Variants in DIDO1 observed in about 807,000 individuals in gnomAD.
DIDO1 encodes death-inducer obliterator 1.
A neutral mutation model predicts 99.4 loss-of-function variants in DIDO1; 16 were observed. The ratio of observed to expected loss-of-function variants is 0.16; its 90% CI spans 0.11 to 0.24. The LOEUF is 0.24. Ranked by LOEUF, DIDO1 falls within the 10% of genes least tolerant of loss-of-function variation. The pLI is 1.00. For synonymous variants in DIDO1, 1,366 were observed against 1,239.1 expected (o/e 1.10, Z -2.15); for missense variants, 2,996 against 3,014.0 (o/e 0.99, Z 0.14).
At chr20:62,901,211 G>A (rs572068154) in intron 6 of DIDO1, among the ~76,000 whole-genome samples, 1 of 152,348 alleles carries the variant, frequency 6.6e-6, no homozygotes, top group Admixed American at 6.5e-5. Flanking sequence ...CAGCCAGGAC[G>A]CCCTTGCAGG....
chr20:62,922,100 C>G (rs1286085736), intron 1 of DIDO1, among the ~76,000 whole-genome samples: 1 of 69,544 alleles, frequency 1.4e-5, no homozygotes, highest in African/African-American at 5.8e-5. Flanking sequence ...TATATACACA[C>G]TATATATATA....
intron 6 of DIDO1, chr20:62,905,512 T>C: frequency 6.4e-7 from 1 of 1,550,864 alleles, no homozygotes; most frequent in Non-Finnish European, 8.7e-7. Context: ...TCAGAACAAC[T>C]CATGTGCAGA....
intron 6 of DIDO1, chr20:62,905,578 G>A: frequency 6.4e-7 from 1 of 1,551,156 alleles, no homozygotes; most frequent in Non-Finnish European, 8.7e-7. Flanking sequence ...CTGGGATGAA[G>A]AGAATACGAA....
At chr20:62,904,962 T>C (rs1217488033) in intron 6 of DIDO1, 1 of 983,742 alleles carries the variant, frequency 1.0e-6, no homozygotes, top group Non-Finnish European at 1.2e-6. Flanking sequence ...CGGTGCTTTT[T>C]AAAAAAAGCA....
chr20:62,881,808 C>T lies in DIDO1; in HGVS notation c.4148G>A (p.Arg1383Lys). ...GTACTCCTCCTCAGGGTCGTATGGC[C>T]TGTCGTCCTCCTCTTCCTCTAGAGC... Reference protein sequence around the residue: ...DKALEEEEDDRPYDPEEEYDP... With the variant: ...DKALEEEEDDKPYDPEEEYDP... Residue 1383 changes from arginine (R) to lysine (K), a missense_variant, in exon 16 of 16, where the codon AGG becomes AAG. This residue lies in a region of DIDO1 where 1,562 missense variants were observed against 1,412.6 expected (regional missense o/e 1.11). Coordinates refer to ENST00000395343, the MANE Select transcript of DIDO1 (RefSeq NM_001193369.2). The surrounding 1 kb of genome is among the most constrained non-coding windows in gnomAD (Gnocchi z 8.3). 1 of 1,613,536 alleles carries T rather than the reference C, an allele frequency of 6.2e-7. No homozygotes were observed. Among genetic ancestry groups the T allele is most frequent in the Non-Finnish European group, 8.5e-7 (1 of 1,180,024 alleles).
At position 62,910,923 on chromosome 20, in the gene DIDO1, C is replaced by G; in HGVS notation, c.690G>C (p.Gly230=). 1 of 1,614,162 alleles carries G rather than the reference C, an allele frequency of 6.2e-7. No homozygotes were observed. The highest frequency in any genetic ancestry group is 1.1e-5 in the South Asian group (1 of 91,074). The change falls in exon 3 of 16, where the codon GGG becomes GGC. Residue 230 remains glycine, a synonymous_variant. Coordinates refer to ENST00000395343, the MANE Select transcript of DIDO1 (RefSeq NM_001193369.2). ...ENDQGVVSQA[G]KDDRESKLEG... is the part of the protein sequence containing the mutation. ...CCAACTTACTCTCTCTGTCATCTTT[C>G]CCAGCCTGGGACACAACCCCCTGAT...
rs1487504993 is a variant in DIDO1, at chr20:62,881,287, G to C, written c.4669C>G (p.His1557Asp). The C allele has an allele frequency of 6.2e-7, 1 of 1,605,086 alleles. No individual in the cohort carries two copies. Among genetic ancestry groups the C allele is most frequent in the Non-Finnish European group, 8.5e-7 (1 of 1,179,728 alleles). Residue 1557 changes from histidine (H) to aspartate (D), a missense_variant, in exon 16 of 16, where the codon CAC becomes GAC. His to Asp is a moderately conservative substitution (Grantham distance 81). Around this residue, in one of 5 missense-constraint regions of DIDO1, gnomAD observed 1,562 missense variants for 1,412.6 expected, o/e 1.11. Coordinates refer to ENST00000395343, the MANE Select transcript of DIDO1 (RefSeq NM_001193369.2). The surrounding 1 kb of genome is among the most constrained non-coding windows in gnomAD (Gnocchi z 8.3). ...CGCCTCGCCTGCCGGGGGTCCCTGT[G>C]GTTTGACGCCTGGCTGGCGGGGGGC... ...SLPPASQASN[H>D]RDPRQARRLA...
chr20:62,922,519 T>C (rs2065175266), intron 1 of DIDO1, among the ~76,000 whole-genome samples: 1 of 151,832 alleles, frequency 6.6e-6, no homozygotes, highest in African/African-American at 2.4e-5. Flanking sequence ...GGGGGTACAG[T>C]GTACCAGGCA....
At chr20:62,900,980 GT>G (rs2064660396) in intron 6 of DIDO1, among the ~76,000 whole-genome samples, 2 of 152,210 alleles carry the variant, frequency 1.3e-5, no homozygotes, top group South Asian at 4.1e-4. Flanking sequence ...TGCTTTACCT[GT>G]TTCTTCACTC....
rs1600965593 is a variant in DIDO1 at position 62,901,157 on chromosome 20, AGG to A, written c.1589-4163_1589-4162del. On this transcript the variant is annotated intron_variant, in intron 6 of 15. Transcript: ENST00000395343. ...GAAACAGTTACTTCCCAAATACAGC[AGG>A]CAGACTACATCGCAGACGCTCCTCA... 2.6e-5 allele frequency among the ~76,000 whole-genome samples: 4 copies of A among 152,348 alleles called. No homozygotes were observed. In the East Asian group the frequency reaches 7.7e-4, roughly 29 times the overall value.
At chr20:62,883,729 G>A (rs1375900456) in intron 15 of DIDO1, among the ~76,000 whole-genome samples, 2 of 152,222 alleles carry the variant, frequency 1.3e-5, no homozygotes, top group Non-Finnish European at 2.9e-5. Flanking sequence ...GGAGGCTGAG[G>A]CAGGAGAAAT....
At position 62,896,732 on chromosome 20, in the gene DIDO1, G is replaced by A. The variant is rs769041978; in HGVS notation, c.1853C>T (p.Pro618Leu). ...CTTGGAGGCAGCCGTTGCCGCTGCA[G>A]GTGCCGGTCCGGCCTGCCTGGCAGC... ...ASAARQAGPA[P>L]AAATAASKKF... The change falls in exon 7 of 16, where the codon CCT (proline) becomes CTT (leucine). Residue 618 changes from proline (P) to leucine (L), a missense_variant. Physicochemically the swap from Pro to Leu is moderately conservative, Grantham distance 98. Transcript: ENST00000395343. This position sits in a 1 kb window ranked among gnomAD's most constrained non-coding sequence, Gnocchi z 4.4. 1 of 1,613,774 alleles carries A rather than the reference G, an allele frequency of 6.2e-7. No homozygotes were observed. The highest frequency in any genetic ancestry group is 1.1e-5 in the South Asian group (1 of 91,086).
intron 15 of DIDO1, chr20:62,889,210 C>G: frequency 1.0e-6 from 1 of 985,564 alleles, no homozygotes; most frequent in Non-Finnish European, 1.2e-6. Context: ...GCTGGGAGAC[C>G]TGTCCTTTCC....
upstream of DIDO1, among the ~76,000 whole-genome samples, chr20:62,929,693 G>GTATATA (rs565069048): frequency 0.01 from 988 of 97,872 alleles, 142 homozygotes; most frequent in East Asian, 0.021. Context: ...AAAAGAAAAA[G>GTATATA]TGTATATATA....
rs757810760 is a variant in DIDO1 at position 62,881,150 on chromosome 20, G to A, written c.4806C>T (p.Gly1602=). The change falls in exon 16 of 16, where the codon GGC becomes GGT. Residue 1602 remains glycine (G), a synonymous_variant. Coordinates refer to ENST00000395343, the MANE Select transcript of DIDO1 (RefSeq NM_001193369.2). The surrounding 1 kb of genome is among the most constrained non-coding windows in gnomAD (Gnocchi z 8.3). ...CCTCCGGGACTGGCATGGGCGCCTGGCCCACGAGGCCACCCCTGGAAGCAT... is the reference window on the plus strand; with the variant it reads ...CCTCCGGGACTGGCATGGGCGCCTGACCCACGAGGCCACCCCTGGAAGCAT... ...ERDASRGGLV[G]QAPMPVPEEK... is the part of the protein sequence containing the mutation. The A allele has an allele frequency of 1.8e-5, 29 of 1,608,156 alleles. 1 individual carries two copies. The highest frequency in any genetic ancestry group is 1.0e-4 in the Admixed American group (6 of 59,848).
chr20:62,896,627 G>A lies in DIDO1; in HGVS notation c.1958C>T (p.Pro653Leu). 1 of 1,613,968 alleles carries A rather than the reference G, an allele frequency of 6.2e-7. No individual in the cohort carries two copies. The highest frequency in any genetic ancestry group is 8.5e-7 in the Non-Finnish European group (1 of 1,179,842). The change falls in exon 7 of 16, where the codon CCA (proline) becomes CTA (leucine). Residue 653 changes from proline (P) to leucine (L), a missense_variant. By Grantham distance (98) the Pro-to-Leu change is moderately conservative. Transcript: ENST00000395343. This position sits in a 1 kb window ranked among gnomAD's most constrained non-coding sequence, Gnocchi z 4.4. Reference protein sequence around the residue: ...VPSVPMASPAPGRLGAMSAAP... With the variant: ...VPSVPMASPALGRLGAMSAAP... ...AGCACTCATAGCCCCAAGGCGTCCT[G>A]GGGCTGGCGAGGCCATTGGAACAGA...
chr20:62,916,181 T>G (rs1184633344), intron 1 of DIDO1, among the ~76,000 whole-genome samples: 1 of 152,212 alleles, frequency 6.6e-6, no homozygotes, highest in African/African-American at 2.4e-5. Context: ...AATGTGTTCA[T>G]AAAACTGCAA....
In DIDO1 at chr20:62,894,501, C is replaced by T. The variant is rs376722922; in HGVS notation, c.2484G>A (p.Pro828=). The change falls in exon 11 of 16, where the codon CCG becomes CCA. Residue 828 remains proline (P), a synonymous_variant. Coordinates refer to ENST00000395343, the MANE Select transcript of DIDO1 (RefSeq NM_001193369.2). The surrounding 1 kb of genome is among the most constrained non-coding windows in gnomAD (Gnocchi z 4.4). ...ARAVPEKSTA[P]LLDVFSSMLK... ...ACATGCTGCTGAAGACGTCGAGAAGCGGCGCTGTGCTCTTCTCAGGGACAG... is the reference window on the plus strand; with the variant it reads ...ACATGCTGCTGAAGACGTCGAGAAGTGGCGCTGTGCTCTTCTCAGGGACAG... The T allele has an allele frequency of 4.8e-5, 78 of 1,613,158 alleles. No homozygotes were observed. Among genetic ancestry groups the T allele is most frequent in the African/African-American group, 2.9e-4 (22 of 74,988 alleles).
chr20:62,902,412 T>TA (rs769800053), intron 6 of DIDO1, among the ~76,000 whole-genome samples: 1 of 152,310 alleles, frequency 6.6e-6, no homozygotes, highest in East Asian at 1.9e-4. Context: ...GGTGGACACG[T>TA]AGAGTCTGAT....
Sources: allele counts gnomAD v4.1 joint callset (sites outside exome capture counted in the v4.1 genomes callset), GRCh38; gene constraint gnomAD v4.1.1; regional missense constraint gnomAD v4.1.1; non-coding constraint Gnocchi (gnomAD v3.1); transcripts MANE v1.5; gene names NCBI Gene and HGNC (gene_info 2026-07-23, HGNC 2026-07-21).